TMEM54: variants seen among roughly 807,000 people sequenced by gnomAD.
The protein encoded by TMEM54 is transmembrane protein 54.
TMEM54 carries 21 observed loss-of-function variants against 21.3 expected under a neutral mutation model. The observed-to-expected ratio is 0.99, with a 90% CI of 0.70 to 1.42. The LOEUF is 1.42. TMEM54 is among the 40% of genes most tolerant of loss of function. The pLI, the probability that TMEM54 is intolerant of heterozygous loss-of-function variation, is 0.00. For missense variants in TMEM54, 246 were observed against 294.0 expected, an observed-to-expected ratio of 0.84 and a Z score of 1.19; for synonymous variants, 109 against 125.0, an observed-to-expected ratio of 0.87 and a Z score of 0.86.
intron 1 of TMEM54, among the ~76,000 whole-genome samples, chr1:32,900,834 T>G (rs1265174529): frequency 1.3e-5 from 2 of 152,118 alleles, no homozygotes; most frequent in African/African-American, 4.8e-5. Flanking sequence ...AGTATGTAAG[T>G]GGGAGCCCCT....
Position 32,895,396 on chromosome 1 carries a change from A to C in TMEM54, c.503T>G (p.Val168Gly), listed in dbSNP as rs1641563200. 2 of 1,614,022 alleles carry C rather than the reference A, an allele frequency of 1.2e-6. No individual in the cohort carries two copies. The highest frequency in any genetic ancestry group is 1.7e-6 in the Non-Finnish European group (2 of 1,179,952). ...GCGTACAGCAAACACGTTCTCCGCC[A>C]CGCAGAGCACTAGGGCGATGCCCCA... ...CLWGIALVLC[V>G]AENVFAVRCA... Residue 168 changes from valine to glycine, a missense_variant, in exon 5 of 6, where the codon GTG (valine) becomes GGG (glycine). Val to Gly is a moderately radical substitution (Grantham distance 109). Transcript: ENST00000373463. This position sits in a 1 kb window ranked among gnomAD's most constrained non-coding sequence, Gnocchi z 5.8.
chr1:32,894,887 G>C lies in TMEM54; in HGVS notation c.595-8C>G. The C allele has an allele frequency of 6.2e-7, 1 of 1,607,368 alleles. No individual in the cohort carries two copies. The highest frequency in any genetic ancestry group is 8.5e-7 in the Non-Finnish European group (1 of 1,174,480). ...CTCTGGGTTCTCCCGCATCTGCAGA[G>C]ACACAGGAGGCTGCCAGACCCACTG... is the stretch of plus-strand genomic sequence containing the variant. On this transcript the variant is annotated splice_polypyrimidine_tract_variant and splice_region_variant and intron_variant, in intron 5 of 5. Transcript: ENST00000373463.
In TMEM54 at chr1:32,895,765, T is replaced by A; in HGVS notation, c.271-22A>T. The A allele has an allele frequency of 6.5e-7, 1 of 1,549,868 alleles. No individual in the cohort carries two copies. ...AGCGCTGGACGGGGGAGGCCACTGG[T>A]CAATGGGCGTCGTGCTTGGCCCCCA... On this transcript the variant is annotated intron_variant, in intron 3 of 5. Coordinates refer to ENST00000373463, the MANE Select transcript of TMEM54 (RefSeq NM_033504.4). This position sits in a 1 kb window ranked among gnomAD's most constrained non-coding sequence, Gnocchi z 5.8.
rs1641608303 is a variant in TMEM54, at chr1:32,896,681, C to G, written c.211-712G>C. Among the ~76,000 whole-genome samples the G allele has an allele frequency of 6.6e-6, 1 of 152,262 alleles. No homozygotes were observed. ...TCAGCCCAACAGCTGCCCTCTGGAT[C>G]TTTGGGGTCCACCCAGCCAGCCTTC... On this transcript the variant is annotated intron_variant, in intron 2 of 5. Transcript: ENST00000373463. This position sits in a 1 kb window ranked among gnomAD's most constrained non-coding sequence, Gnocchi z 4.1.
At chr1:32,898,351 TG>T (rs1443836077) in intron 1 of TMEM54, 32 bp from the exon 2 acceptor site, 1 of 1,573,720 alleles carries the variant, frequency 6.4e-7, no homozygotes, top group East Asian at 2.3e-5. Context: ...GGGCTGTGCG[TG>T]GGGCTTATCC....
In TMEM54 at chr1:32,896,224, A is replaced by C. The variant is rs1641597343; in HGVS notation, c.211-255T>G. The C allele has an allele frequency of 5.0e-6, 2 of 398,558 alleles. No homozygotes were observed. The highest frequency in any genetic ancestry group is 9.0e-6 in the Non-Finnish European group (2 of 223,100). 24.7% of individuals were successfully genotyped at this position (398,558 alleles called of 1,614,324 possible). A position where few individuals can be genotyped will look rare whatever the true frequency, so the allele number is the denominator to read the frequency against. On this transcript the variant is annotated intron_variant, in intron 2 of 5. Coordinates refer to ENST00000373463, the MANE Select transcript of TMEM54 (RefSeq NM_033504.4). This position sits in a 1 kb window ranked among gnomAD's most constrained non-coding sequence, Gnocchi z 4.1. ...GTCCCCACTCCTAAGCCTGTGTCTC[A>C]AGCAGGTTCATGTATCCTGGGGCCA... is the stretch of plus-strand genomic sequence containing the variant.
In TMEM54 at chr1:32,895,898, G is replaced by A; in HGVS notation, c.270+12C>T. On this transcript the variant is annotated intron_variant, in intron 3 of 5. Coordinates refer to ENST00000373463, the MANE Select transcript of TMEM54 (RefSeq NM_033504.4). This position sits in a 1 kb window ranked among gnomAD's most constrained non-coding sequence, Gnocchi z 5.8. ...CTTCCCTCACAGCCCCATCCCAGGA[G>A]GCACCACGTACCAGGGGGGTGCTAG... The A allele has an allele frequency of 6.2e-7, 1 of 1,611,088 alleles. No homozygotes were observed. The highest frequency in any genetic ancestry group is 8.5e-7 in the Non-Finnish European group (1 of 1,178,610).
In TMEM54 at chr1:32,901,162, C is replaced by T. The variant is rs1471689208; in HGVS notation, c.16+61G>A. ...GGGGGCTCGGGTTCCGGGCTCAGTG[C>T]TCCGCTCCTGTGGGAGGGTTGGGGT... On this transcript the variant is annotated intron_variant, in intron 1 of 5. Transcript: ENST00000373463. The surrounding 1 kb of genome is among the most constrained non-coding windows in gnomAD (Gnocchi z 4.2). 1.1e-5 allele frequency: 15 copies of T among 1,405,990 alleles called. No homozygotes were observed. The highest frequency in any genetic ancestry group is 1.5e-5 in the African/African-American group (1 of 68,344). The allele number at this position is 1,405,990 out of a possible 1,614,324, so 87.1% of individuals were successfully genotyped here.
chr1:32,899,941 C>T (rs1208489651), intron 1 of TMEM54, among the ~76,000 whole-genome samples: 2 of 152,182 alleles, frequency 1.3e-5, no homozygotes, highest in African/African-American at 4.8e-5. Flanking sequence ...GGAGCTGAAC[C>T]AGGTCTAGCA....
chr1:32,901,087 G>T lies in TMEM54; in HGVS notation c.16+136C>A. The T allele has an allele frequency of 2.1e-6, 2 of 961,206 alleles. No individual in the cohort carries two copies. Among genetic ancestry groups the T allele is most frequent in the South Asian group, 4.6e-5 (1 of 21,782 alleles). The allele number at this position is 961,206 out of a possible 1,614,324, so 59.5% of individuals were successfully genotyped here. On this transcript the variant is annotated intron_variant, in intron 1 of 5. Coordinates refer to ENST00000373463, the MANE Select transcript of TMEM54 (RefSeq NM_033504.4). The surrounding 1 kb of genome is among the most constrained non-coding windows in gnomAD (Gnocchi z 4.2). ...TGAGGCCCAGAGAGGAAAGTGACCC[G>T]ACCCCGGCCTCGTAGTAAGTTAGAG...
Position 32,895,749 on chromosome 1 carries a change from CG to C in TMEM54, c.271-7del. The C allele has an allele frequency of 6.4e-7, 1 of 1,553,358 alleles. No homozygotes were observed. On this transcript the variant is annotated splice_region_variant and splice_polypyrimidine_tract_variant and intron_variant, in intron 3 of 5. Transcript: ENST00000373463. The surrounding 1 kb of genome is among the most constrained non-coding windows in gnomAD (Gnocchi z 5.8). ...GAGCTAAACACTGTCCAGCGCTGGA[CG>C]GGGGAGGCCACTGGTCAATGGGCGT...
intron 1 of TMEM54, among the ~76,000 whole-genome samples, chr1:32,899,701 C>T (rs1048000680): frequency 1.3e-5 from 2 of 152,018 alleles, no homozygotes; most frequent in African/African-American, 4.8e-5. Context: ...AGCCAGAGAC[C>T]CCGTCTAAAA....
At position 32,901,267 on chromosome 1, in the gene TMEM54, C is replaced by T. The variant is rs1186631835; in HGVS notation, c.-29G>A. The T allele has an allele frequency of 2.1e-6, 3 of 1,396,420 alleles. No individual in the cohort carries two copies. The highest frequency in any genetic ancestry group is 2.8e-6 in the Non-Finnish European group (3 of 1,063,114). The allele number at this position is 1,396,420 out of a possible 1,614,324, so 86.5% of individuals were successfully genotyped here. On this transcript the variant is annotated 5_prime_UTR_variant, in exon 1 of 6. Transcript: ENST00000373463. The surrounding 1 kb of genome is among the most constrained non-coding windows in gnomAD (Gnocchi z 4.2). ...GGCTCCGCGCTGGTCCCGCCCCCGGCTTCAGCGCGGCTCCCGAGGCTGCGG... is the reference window on the plus strand; with the variant it reads ...GGCTCCGCGCTGGTCCCGCCCCCGGTTTCAGCGCGGCTCCCGAGGCTGCGG...
intron 1 of TMEM54, among the ~76,000 whole-genome samples, chr1:32,899,595 T>C (rs1641680500): frequency 6.6e-6 from 1 of 152,128 alleles, no homozygotes; most frequent in Non-Finnish European, 1.5e-5. Flanking sequence ...TAGTCCCAGT[T>C]ATTCAGGAGG....
chr1:32,897,058 G>A lies in TMEM54; in HGVS notation c.210+1068C>T, dbSNP rs1389832044. On this transcript the variant is annotated intron_variant, in intron 2 of 5. Coordinates refer to ENST00000373463, the MANE Select transcript of TMEM54 (RefSeq NM_033504.4). The surrounding 1 kb of genome is among the most constrained non-coding windows in gnomAD (Gnocchi z 4.9). Reference sequence around the variant, plus strand: ...AGTAAGTGAGGGGAAGGCTGAAGTGGTCCAGCTCAAAGTCCATCCTGGTGG... The same window carrying A: ...AGTAAGTGAGGGGAAGGCTGAAGTGATCCAGCTCAAAGTCCATCCTGGTGG... Among the ~76,000 whole-genome samples the A allele has an allele frequency of 6.6e-6, 1 of 152,172 alleles. No homozygotes were observed. Among genetic ancestry groups the A allele is most frequent in the Non-Finnish European group, 1.5e-5 (1 of 68,030 alleles).
intron 1 of TMEM54, among the ~76,000 whole-genome samples, chr1:32,899,394 A>G (rs980699961): frequency 3.4e-5 from 5 of 145,546 alleles, no homozygotes; most frequent in African/African-American, 9.9e-5. Flanking sequence ...TGCAGCTGAA[A>G]AAAAAAAAAA....
chr1:32,898,510 G>A, intron 1 of TMEM54, 191 bp from the exon 2 acceptor site: 2 of 527,462 alleles, frequency 3.8e-6, no homozygotes, highest in Non-Finnish European at 6.7e-6. Flanking sequence ...GCCTTTGTGA[G>A]AATCCTTGGG....
In TMEM54 at chr1:32,901,334, C is replaced by A; in HGVS notation, c.-96G>T. ...GCTCCCATCCCGCTGGCCCGTCGCCCGCGCGCCCCGCACCGTCGCGCTCGC... is the reference window on the plus strand; with the variant it reads ...GCTCCCATCCCGCTGGCCCGTCGCCAGCGCGCCCCGCACCGTCGCGCTCGC... On this transcript the variant is annotated 5_prime_UTR_variant, in exon 1 of 6. Transcript: ENST00000373463. This position sits in a 1 kb window ranked among gnomAD's most constrained non-coding sequence, Gnocchi z 4.2. 6.1e-6 allele frequency: 7 copies of A among 1,138,548 alleles called. No homozygotes were observed. The highest frequency in any genetic ancestry group is 7.7e-6 in the Non-Finnish European group (7 of 910,554). 70.5% of individuals were successfully genotyped at this position (1,138,548 alleles called of 1,614,324 possible).
intron 1 of TMEM54, among the ~76,000 whole-genome samples, chr1:32,899,793 A>G (rs1378806048): frequency 1.3e-5 from 2 of 152,274 alleles, no homozygotes; most frequent in Non-Finnish European, 2.9e-5. Flanking sequence ...GCAGGAAGGG[A>G]TGGGGCTATT....
Sources: allele counts gnomAD v4.1 joint callset (sites outside exome capture counted in the v4.1 genomes callset), GRCh38; gene constraint gnomAD v4.1.1; non-coding constraint Gnocchi (gnomAD v3.1); transcripts MANE v1.5; gene names NCBI Gene and HGNC (gene_info 2026-07-23, HGNC 2026-07-21).